PTPRD: variants seen among roughly 807,000 people sequenced by gnomAD.
PTPRD encodes protein tyrosine phosphatase receptor type D.
In PTPRD, 34 loss-of-function variants were observed where a neutral mutation model predicts 214.5. The ratio of observed to expected loss-of-function variants is 0.16; its 90% CI spans 0.12 to 0.21. PTPRD has a LOEUF of 0.21. Among genes scored for constraint, PTPRD ranks in the 10% least tolerant of loss-of-function variants. The probability of loss-of-function intolerance (pLI) is 1.00; values close to 1 mark genes in which losing one functional copy is unlikely to be tolerated. For synonymous variants in PTPRD, 1,128 were observed against 845.7 expected (o/e 1.33, Z -5.79); for missense variants, 2,545 against 2,398.7 (o/e 1.06, Z -1.27).
At position 9,019,321 on chromosome 9, in the gene PTPRD, A is replaced by AAGAAAGAAAGG. The variant is rs1569429242; in HGVS notation, c.-142-587_-142-586insCCTTTCTTTCT. Among the ~76,000 whole-genome samples the AAGAAAGAAAGG allele has an allele frequency of 3.2e-3, 284 of 87,706 alleles. 1 individual carries two copies. The highest frequency in any genetic ancestry group is 5.5e-3 in the Non-Finnish European group (227 of 41,506). 57.5% of individuals were successfully genotyped at this position (87,706 alleles called of 152,430 possible). ...GAAAGAAAGAAAGAAAGAAAGAAAG[A>AAGAAAGAAAGG]AAGAAAGAAAGAAAGAACGAAAGAA... On this transcript the variant is annotated intron_variant, in intron 10 of 45. Coordinates refer to ENST00000381196, the MANE Select transcript of PTPRD (RefSeq NM_002839.4).
intron 5 of PTPRD, among the ~76,000 whole-genome samples, chr9:9,790,420 T>A (rs2098959172): frequency 2.0e-5 from 3 of 152,328 alleles, no homozygotes; most frequent in South Asian, 4.1e-4. Context: ...CTCTATGAAA[T>A]CTTAAAACCT....
chr9:10,507,028 G>C (rs543098772), intron 2 of PTPRD, among the ~76,000 whole-genome samples: 28 of 152,104 alleles, frequency 1.8e-4, no homozygotes, highest in African/African-American at 6.7e-4. Flanking sequence ...TGTTTTCAAA[G>C]GGAATGTTTC....
chr9:8,427,617 C>T (rs2094771116), intron 35 of PTPRD, among the ~76,000 whole-genome samples: 1 of 152,014 alleles, frequency 6.6e-6, no homozygotes. Context: ...GATAATTGCA[C>T]TGGTTTAAAC....
At chr9:10,328,241 AT>A in intron 3 of PTPRD, among the ~76,000 whole-genome samples, 1 of 151,288 alleles carries the variant, frequency 6.6e-6, no homozygotes, top group Admixed American at 6.6e-5. Flanking sequence ...TTATTTTCTT[AT>A]TTTTCTTATT....
chr9:9,059,033 C>A lies in PTPRD; in HGVS notation c.-142-40298G>T, dbSNP rs1248195073. Among the ~76,000 whole-genome samples the A allele has an allele frequency of 1.3e-5, 2 of 151,932 alleles. 1 individual carries two copies. The highest frequency in any genetic ancestry group is 2.9e-5 in the Non-Finnish European group (2 of 67,978). ...CCAGTAGAACAGGGTAGGTCTTATACTTAGGGAGAAGAGAAGGAGAAAGAC... is the reference window on the plus strand; with the variant it reads ...CCAGTAGAACAGGGTAGGTCTTATAATTAGGGAGAAGAGAAGGAGAAAGAC... On this transcript the variant is annotated intron_variant, in intron 10 of 45. Coordinates refer to ENST00000381196, the MANE Select transcript of PTPRD (RefSeq NM_002839.4).
At chr9:9,572,948 T>C (rs1159933023) in intron 8 of PTPRD, among the ~76,000 whole-genome samples, 2 of 151,576 alleles carry the variant, frequency 1.3e-5, no homozygotes, top group Admixed American at 1.3e-4. Context: ...CTAAAACTGA[T>C]AAACACTTGG....
intron 12 of PTPRD, among the ~76,000 whole-genome samples, chr9:8,685,192 G>T (rs2097653107): frequency 6.6e-6 from 1 of 150,894 alleles, no homozygotes; most frequent in Non-Finnish European, 1.5e-5. Context: ...GGCAAAAGAT[G>T]AAAGGAACCA....
intron 10 of PTPRD, among the ~76,000 whole-genome samples, chr9:9,172,482 C>A (rs2099922058): frequency 6.6e-6 from 1 of 152,074 alleles, no homozygotes. Flanking sequence ...TGATCCCTTG[C>A]CCGTTTGGAC....
chr9:8,649,379 A>T (rs1364228071), intron 12 of PTPRD, among the ~76,000 whole-genome samples: 3 of 152,218 alleles, frequency 2.0e-5, no homozygotes, highest in African/African-American at 7.2e-5. Context: ...ATTTCTTTTA[A>T]GATAGATCCA....
intron 5 of PTPRD, among the ~76,000 whole-genome samples, chr9:9,855,773 AT>A (rs2061441274): frequency 6.6e-6 from 1 of 152,166 alleles, no homozygotes; most frequent in Non-Finnish European, 1.5e-5. Flanking sequence ...TGCGGGCCCC[AT>A]GGCAAGTCCA....
At chr9:8,496,030 A>G (rs1292192485) in intron 26 of PTPRD, among the ~76,000 whole-genome samples, 1 of 152,160 alleles carries the variant, frequency 6.6e-6, no homozygotes, top group Admixed American at 6.5e-5. Context: ...TTTACCACTG[A>G]GTTACTTAAC....
At chr9:10,208,501 G>A (rs187359814) in intron 3 of PTPRD, among the ~76,000 whole-genome samples, 14 of 152,314 alleles carry the variant, frequency 9.2e-5, no homozygotes, top group African/African-American at 2.4e-4. Flanking sequence ...GCGACAGAGC[G>A]AGACTGCGTC....
intron 13 of PTPRD, among the ~76,000 whole-genome samples, chr9:8,633,710 T>G (rs2096332699): frequency 6.6e-6 from 1 of 151,994 alleles, no homozygotes; most frequent in African/African-American, 2.4e-5. Flanking sequence ...ACTACCAGGG[T>G]TTATTCATTA....
chr9:9,069,383 T>C (rs2099740466), intron 10 of PTPRD, among the ~76,000 whole-genome samples: 1 of 152,210 alleles, frequency 6.6e-6, no homozygotes, highest in Non-Finnish European at 1.5e-5. Flanking sequence ...CATTCATGAC[T>C]TAAACGTCTT....
intron 4 of PTPRD, among the ~76,000 whole-genome samples, chr9:10,004,204 G>T (rs1310245470): frequency 6.6e-6 from 1 of 151,748 alleles, no homozygotes; most frequent in East Asian, 1.9e-4. Flanking sequence ...AAAAATTTAG[G>T]TTGTATATAT....
At chr9:10,347,175 A>G (rs910765923) in intron 2 of PTPRD, among the ~76,000 whole-genome samples, 1 of 151,866 alleles carries the variant, frequency 6.6e-6, no homozygotes, top group Non-Finnish European at 1.5e-5. Flanking sequence ...CTCTCTTTAC[A>G]CTTCATTGTC....
chr9:8,928,308 T>C (rs2098918587), intron 11 of PTPRD, among the ~76,000 whole-genome samples: 1 of 152,128 alleles, frequency 6.6e-6, no homozygotes, highest in Non-Finnish European at 1.5e-5. Flanking sequence ...ATTGCCTAGG[T>C]TTTCTTCTAG....
chr9:9,861,316 A>T (rs1276463347), intron 5 of PTPRD, among the ~76,000 whole-genome samples: 1 of 152,148 alleles, frequency 6.6e-6, no homozygotes, highest in Non-Finnish European at 1.5e-5. Flanking sequence ...TTTGAGACAG[A>T]GTCTTGCTCT....
At chr9:9,329,340 C>T (rs546035095) in intron 9 of PTPRD, among the ~76,000 whole-genome samples, 1 of 152,200 alleles carries the variant, frequency 6.6e-6, no homozygotes, top group East Asian at 1.9e-4. Context: ...TATATGACCC[C>T]ATTTCATCTT....
Sources: gnomAD v4.1 joint callset for allele counts (sites outside exome capture counted in the v4.1 genomes callset) on GRCh38, gnomAD v4.1.1 for gene constraint, MANE v1.5 for transcripts, NCBI Gene and HGNC (gene_info 2026-07-23, HGNC 2026-07-21) for gene names.